The following SPMIP2 variants were observed in gnomAD, a reference collection of about 807,000 sequenced individuals.
SPMIP2 encodes the protein sperm microtubule inner protein 2.
At chr4:158,945,370 G>A in the SPMIP2 span, among the ~76,000 whole-genome samples, 1 of 152,106 alleles carries the variant, frequency 6.6e-6, no homozygotes, top group Non-Finnish European at 1.5e-5. Context: ...CCCCCTACAC[G>A]AGGAGCAGTT....
chr4:158,899,589 G>A, the SPMIP2 span, among the ~76,000 whole-genome samples: 2 of 152,178 alleles, frequency 1.3e-5, no homozygotes, highest in Non-Finnish European at 2.9e-5. Context: ...GAGGGTGTAT[G>A]TGCCCAGGAA....
the SPMIP2 span, among the ~76,000 whole-genome samples, chr4:159,077,763 TAGAA>T: frequency 6.6e-6 from 1 of 152,170 alleles, no homozygotes; most frequent in Non-Finnish European, 1.5e-5. Context: ...TTTAATTACC[TAGAA>T]AGAAACTCTT....
At chr4:158,906,824 A>C in the SPMIP2 span, 1 of 152,168 alleles carries the variant, frequency 6.6e-6, no homozygotes, top group Non-Finnish European at 1.5e-5. Context: ...AAAACCTCAC[A>C]GAATTGTGTT....
the SPMIP2 span, chr4:158,904,422 C>A: frequency 6.8e-7 from 1 of 1,463,510 alleles, no homozygotes; most frequent in Non-Finnish European, 9.6e-7. Flanking sequence ...CTCATAAAAC[C>A]ATGCTCTTTT....
chr4:159,006,119 G>A, the SPMIP2 span, among the ~76,000 whole-genome samples: 1 of 152,144 alleles, frequency 6.6e-6, no homozygotes, highest in Non-Finnish European at 1.5e-5. Context: ...TATGTGGCTC[G>A]AATTATGTTT....
the SPMIP2 span, among the ~76,000 whole-genome samples, chr4:158,973,664 C>G: frequency 6.6e-6 from 1 of 152,044 alleles, no homozygotes; most frequent in Non-Finnish European, 1.5e-5. Context: ...TCTTAATTGA[C>G]CCATTAAACT....
the SPMIP2 span, among the ~76,000 whole-genome samples, chr4:158,966,237 G>T: frequency 1.3e-5 from 2 of 152,124 alleles, no homozygotes; most frequent in Non-Finnish European, 2.9e-5. Flanking sequence ...GAAATCTCCA[G>T]GTTTCTGGTC....
the SPMIP2 span, among the ~76,000 whole-genome samples, chr4:158,939,876 A>T: frequency 6.6e-6 from 1 of 152,148 alleles, no homozygotes; most frequent in Non-Finnish European, 1.5e-5. Context: ...ATTCTATAAA[A>T]TTTTTCACAG....
At chr4:158,911,367 T>TAAATAAATAAATA in the SPMIP2 span, among the ~76,000 whole-genome samples, 1 of 147,446 alleles carries the variant, frequency 6.8e-6, no homozygotes, top group Non-Finnish European at 1.5e-5. Flanking sequence ...AATAAATAAA[T>TAAATAAATAAATA]AAATAAATAA....
chr4:159,069,126 A>G, the SPMIP2 span, among the ~76,000 whole-genome samples: 4 of 152,100 alleles, frequency 2.6e-5, no homozygotes, highest in Admixed American at 6.6e-5. Flanking sequence ...AATGTTGTGA[A>G]ACCCCATCTC....
At chr4:159,064,578 G>GA in the SPMIP2 span, among the ~76,000 whole-genome samples, 1 of 152,070 alleles carries the variant, frequency 6.6e-6, no homozygotes, top group Non-Finnish European at 1.5e-5. Context: ...AAGATTGCTT[G>GA]AAAAAGCATC....
chr4:158,915,477 G>A, the SPMIP2 span: 3 of 893,054 alleles, frequency 3.4e-6, no homozygotes, highest in Non-Finnish European at 5.0e-6. Context: ...TAGCCATGTG[G>A]CTTAGGAAAG....
At chr4:158,921,182 T>C in the SPMIP2 span, among the ~76,000 whole-genome samples, 1 of 152,204 alleles carries the variant, frequency 6.6e-6, no homozygotes, top group African/African-American at 2.4e-5. Flanking sequence ...CTCAAGCCTG[T>C]AATCCCAGCA....
chr4:158,984,616 G>A, the SPMIP2 span, among the ~76,000 whole-genome samples: 20 of 151,836 alleles, frequency 1.3e-4, no homozygotes, highest in Non-Finnish European at 2.9e-5. Flanking sequence ...CAGAATCTCT[G>A]GGACACATTC....
the SPMIP2 span, among the ~76,000 whole-genome samples, chr4:159,068,736 G>C: frequency 6.6e-6 from 1 of 151,294 alleles, no homozygotes; most frequent in African/African-American, 2.4e-5. Context: ...GACTCAATGA[G>C]CCAAAACTGA....
chr4:159,049,197 A>C, the SPMIP2 span, among the ~76,000 whole-genome samples: 1 of 152,244 alleles, frequency 6.6e-6, no homozygotes, highest in Non-Finnish European at 1.5e-5. Flanking sequence ...TCTTCAACAC[A>C]GATTAGCTTA....
the SPMIP2 span, among the ~76,000 whole-genome samples, chr4:158,940,213 T>C: frequency 1.6e-3 from 247 of 152,306 alleles, no homozygotes; most frequent in African/African-American, 5.7e-3. Context: ...TCTCCCTCTG[T>C]ACTTGTCCAA....
the SPMIP2 span, among the ~76,000 whole-genome samples, chr4:159,061,988 C>A: frequency 8.5e-5 from 13 of 152,098 alleles, no homozygotes; most frequent in East Asian, 1.9e-3. Context: ...TGGCAGTGAC[C>A]AGAGAAACCA....
At chr4:158,968,565 T>C in the SPMIP2 span, among the ~76,000 whole-genome samples, 1 of 152,210 alleles carries the variant, frequency 6.6e-6, no homozygotes, top group African/African-American at 2.4e-5. Flanking sequence ...TTGCATTTCA[T>C]ACATCCTGTA....
Sources: allele counts gnomAD v4.1 joint callset (sites outside exome capture counted in the v4.1 genomes callset), GRCh38; gene constraint gnomAD v4.1.1; transcripts MANE v1.5; gene names NCBI Gene and HGNC (gene_info 2026-07-23, HGNC 2026-07-21).